The following TCF7L1 variants were observed in gnomAD, a reference collection of about 807,000 sequenced individuals.
TCF7L1 encodes transcription factor 7 like 1.
In TCF7L1, 18 loss-of-function variants were observed where a neutral mutation model predicts 63.7. The observed-to-expected ratio is 0.28, with a 90% CI of 0.20 to 0.42. The LOEUF (loss-of-function observed/expected upper bound fraction) is 0.42, where lower values mean the gene tolerates loss of function less well. Ranked by LOEUF, TCF7L1 falls within the 10% of genes least tolerant of loss-of-function variation. The pLI is 1.00. For synonymous variants in TCF7L1, 355 were observed against 340.9 expected (o/e 1.04, Z -0.46); for missense variants, 654 against 779.3 (o/e 0.84, Z 1.91).
intron 3 of TCF7L1, among the ~76,000 whole-genome samples, chr2:85,153,413 C>T (rs1678069030): frequency 7.3e-6 from 1 of 136,764 alleles, no homozygotes; most frequent in African/African-American, 2.8e-5. Context: ...ACGATCTTGG[C>T]TCATTGCAAG....
chr2:85,302,370 C>T, intron 4 of TCF7L1, 114 bp from the exon 5 acceptor site: 1 of 1,445,408 alleles, frequency 6.9e-7, no homozygotes, highest in Non-Finnish European at 9.6e-7. Flanking sequence ...GTTTTGAGGA[C>T]TGAATGGGAT....
intron 3 of TCF7L1, among the ~76,000 whole-genome samples, chr2:85,267,315 A>C (rs2104352191): frequency 7.6e-6 from 1 of 131,836 alleles, no homozygotes; most frequent in South Asian, 2.4e-4. Context: ...TGGGCAACAG[A>C]GCGAGGCTCT....
chr2:85,213,429 C>T (rs1315477284), intron 3 of TCF7L1, among the ~76,000 whole-genome samples: 2 of 151,980 alleles, frequency 1.3e-5, no homozygotes, highest in Non-Finnish European at 2.9e-5. Context: ...CAAAAATAGC[C>T]TTTGAGGAAT....
intron 3 of TCF7L1, among the ~76,000 whole-genome samples, chr2:85,279,301 G>A (rs1359140076): frequency 2.6e-5 from 4 of 152,340 alleles, no homozygotes; most frequent in Admixed American, 1.3e-4. Flanking sequence ...GCTCACACCT[G>A]TAATCCCAGC....
At chr2:85,308,447 C>T (rs61440596) in intron 11 of TCF7L1, among the ~76,000 whole-genome samples, 95 of 62,246 alleles carry the variant, frequency 1.5e-3, no homozygotes, top group African/African-American at 3.1e-3. Flanking sequence ...CTCCCTTTCT[C>T]TTTCCCTCCC....
chr2:85,145,059 T>C (rs1480405089), intron 3 of TCF7L1, among the ~76,000 whole-genome samples: 1 of 150,450 alleles, frequency 6.6e-6, no homozygotes, highest in Admixed American at 6.6e-5. Context: ...AGCGAGACTT[T>C]GTTTCAAAAA....
At chr2:85,166,621 G>A (rs1023064113) in intron 3 of TCF7L1, among the ~76,000 whole-genome samples, 6 of 152,270 alleles carry the variant, frequency 3.9e-5, no homozygotes, top group African/African-American at 1.2e-4. Flanking sequence ...CAGTCAGATC[G>A]GACATCACTG....
chr2:85,141,543 C>G (rs1319091644), intron 3 of TCF7L1, among the ~76,000 whole-genome samples: 1 of 152,140 alleles, frequency 6.6e-6, no homozygotes, highest in Non-Finnish European at 1.5e-5. Flanking sequence ...ACCTCAAAGA[C>G]TCGACAACCC....
chr2:85,134,125 C>G lies in TCF7L1; in HGVS notation c.313+46C>G, dbSNP rs1287488394. Reference sequence around the variant, plus strand: ...CCCCCCACTCTCGATTCCCGCTGCGCTCCGCTGCTCAGCCCGGGCGGCCCA... The same window carrying G: ...CCCCCCACTCTCGATTCCCGCTGCGGTCCGCTGCTCAGCCCGGGCGGCCCA... On this transcript the variant is annotated intron_variant, in intron 2 of 11. Coordinates refer to ENST00000282111, the MANE Select transcript of TCF7L1 (RefSeq NM_031283.3). The surrounding 1 kb of genome is among the most constrained non-coding windows in gnomAD (Gnocchi z 5.0). 6.3e-7 allele frequency: 1 copy of G among 1,598,586 alleles called. No individual in the cohort carries two copies. The highest frequency in any genetic ancestry group is 8.5e-7 in the Non-Finnish European group (1 of 1,173,108).
intron 3 of TCF7L1, chr2:85,205,105 A>C (rs1475157983): frequency 2.6e-5 from 4 of 152,224 alleles, no homozygotes; most frequent in Admixed American, 2.0e-4. Flanking sequence ...TAGGAGGATT[A>C]GTTAGAATTT....
At chr2:85,142,650 G>T (rs1265524408) in intron 3 of TCF7L1, among the ~76,000 whole-genome samples, 1 of 152,080 alleles carries the variant, frequency 6.6e-6, no homozygotes, top group African/African-American at 2.4e-5. Context: ...ATTTTTGGAG[G>T]AGGTTTTTAT....
At chr2:85,255,931 C>A (rs1395554232) in intron 3 of TCF7L1, among the ~76,000 whole-genome samples, 3 of 152,128 alleles carry the variant, frequency 2.0e-5, no homozygotes, top group Non-Finnish European at 4.4e-5. Flanking sequence ...CCCTTGCACC[C>A]CTCCCCGGGG....
intron 3 of TCF7L1, among the ~76,000 whole-genome samples, chr2:85,264,021 T>C (rs1680915772): frequency 6.6e-6 from 1 of 152,170 alleles, no homozygotes; most frequent in African/African-American, 2.4e-5. Flanking sequence ...GTGGGCCGAA[T>C]GATTGGAGGG....
At chr2:85,188,816 T>G (rs1344826620) in intron 3 of TCF7L1, among the ~76,000 whole-genome samples, 1 of 141,260 alleles carries the variant, frequency 7.1e-6, no homozygotes, top group African/African-American at 2.5e-5. Flanking sequence ...TAATATTTCC[T>G]TAGTAAAACT....
intron 4 of TCF7L1, among the ~76,000 whole-genome samples, chr2:85,294,830 C>T (rs1453650058): frequency 1.3e-5 from 2 of 151,980 alleles, no homozygotes; most frequent in African/African-American, 2.4e-5. Context: ...CTCAGGAGTT[C>T]GGGACCAGCC....
At chr2:85,158,439 T>C (rs1014213436) in intron 3 of TCF7L1, among the ~76,000 whole-genome samples, 31 of 152,164 alleles carry the variant, frequency 2.0e-4, no homozygotes, top group African/African-American at 7.0e-4. Flanking sequence ...CAGGCTGTCT[T>C]AGTGCTTATT....
intron 3 of TCF7L1, among the ~76,000 whole-genome samples, chr2:85,254,943 G>A (rs1680674198): frequency 6.6e-6 from 1 of 152,224 alleles, no homozygotes; most frequent in South Asian, 2.1e-4. Flanking sequence ...TTAATATGAG[G>A]AAGGACTCAA....
At chr2:85,150,394 T>C (rs916917007) in intron 3 of TCF7L1, among the ~76,000 whole-genome samples, 2 of 152,098 alleles carry the variant, frequency 1.3e-5, no homozygotes, top group Non-Finnish European at 2.9e-5. Context: ...CCACCACGCC[T>C]GGCTAATTAT....
chr2:85,260,005 A>G (rs1209454696), intron 3 of TCF7L1, among the ~76,000 whole-genome samples: 2 of 152,166 alleles, frequency 1.3e-5, no homozygotes, highest in Non-Finnish European at 2.9e-5. Context: ...CTCCCCCACA[A>G]CTGACCTTTC....
Sources: gnomAD v4.1 joint callset for allele counts (sites outside exome capture counted in the v4.1 genomes callset) on GRCh38, gnomAD v4.1.1 for gene constraint, Gnocchi (gnomAD v3.1) non-coding constraint, MANE v1.5 for transcripts, NCBI Gene and HGNC (gene_info 2026-07-23, HGNC 2026-07-21) for gene names.